The following KIRREL3 variants were observed in gnomAD, a reference collection of about 807,000 sequenced individuals.
KIRREL3 encodes the protein kin of IRRE-like protein 3.
A neutral mutation model predicts 89.7 loss-of-function variants in KIRREL3; 36 were observed. The observed-to-expected ratio is 0.40, with a 90% CI of 0.31 to 0.53. The LOEUF (loss-of-function observed/expected upper bound fraction) is 0.53. KIRREL3 is among the 20% of genes least tolerant of loss of function. The pLI, the probability that KIRREL3 is intolerant of heterozygous loss-of-function variation, is 0.49. For synonymous variants in KIRREL3, 445 were observed against 441.4 expected (o/e 1.01, Z -0.10); for missense variants, 864 against 1,056.6 (o/e 0.82, Z 2.53).
rs960410276 is a variant in KIRREL3, at chr11:126,571,647, C to T, written c.56-8735G>A. Among the ~76,000 whole-genome samples the T allele has an allele frequency of 6.6e-6, 1 of 152,166 alleles. No individual in the cohort carries two copies. The highest frequency in any genetic ancestry group is 1.5e-5 in the Non-Finnish European group (1 of 68,040). On this transcript the variant is annotated intron_variant, in intron 1 of 16. Transcript: ENST00000525144. This position sits in a 1 kb window ranked among gnomAD's most constrained non-coding sequence, Gnocchi z 7.7. ...ATTTGACAGAAGGGAAACCGAGGAT[C>T]CAAAAGGTTACAAAACTTCCCCAAG...
rs1467966197 is a variant in KIRREL3, at chr11:126,435,226, T to C, written c.1588+42A>G. ...CCTCCCCAGCTAGCCAGGAAGTCCC[T>C]TCCCCCCTTCCCAGGGCCATTCTCA... On this transcript the variant is annotated intron_variant, in intron 13 of 16. Coordinates refer to ENST00000525144, the MANE Select transcript of KIRREL3 (RefSeq NM_032531.4). 5.0e-6 allele frequency: 8 copies of C among 1,609,350 alleles called. No homozygotes were observed. The Admixed American group carries it at 1.2e-4, about 23-fold the overall frequency.
rs1482536587 is a variant in KIRREL3, at chr11:126,744,875, CT to C, written c.56-181964del. Among the ~76,000 whole-genome samples, 4 of 41,680 alleles carry C rather than the reference CT, an allele frequency of 9.6e-5. No homozygotes were observed. Among genetic ancestry groups the C allele is most frequent in the East Asian group, 5.1e-3 (2 of 390 alleles). The allele number at this position is 41,680 out of a possible 152,430, so 27.3% of individuals were successfully genotyped here. A position where few individuals can be genotyped will look rare whatever the true frequency, so the allele number is the denominator to read the frequency against. On this transcript the variant is annotated intron_variant, in intron 1 of 16. Transcript: ENST00000525144. This position sits in a 1 kb window ranked among gnomAD's most constrained non-coding sequence, Gnocchi z 4.7. ...AATTGTGTCTGCCACATAGTAAGTG[CT>C]AAAAAAAAAAAAAAAGGTGGGAAAA... is the stretch of plus-strand genomic sequence containing the variant.
Position 126,694,522 on chromosome 11 carries a change from G to A in KIRREL3, c.56-131610C>T, listed in dbSNP as rs977340127. ...GCTCAGGCCTCCATCAGCTCCAGGC[G>A]GGTGTGGGGAATGCTGTTCTAGGGC... On this transcript the variant is annotated intron_variant, in intron 1 of 16. Transcript: ENST00000525144. The surrounding 1 kb of genome is among the most constrained non-coding windows in gnomAD (Gnocchi z 4.4). 1.3e-5 allele frequency among the ~76,000 whole-genome samples: 2 copies of A among 152,134 alleles called. No homozygotes were observed. The highest frequency in any genetic ancestry group is 4.8e-5 in the African/African-American group (2 of 41,406).
In KIRREL3 at chr11:126,906,695, G is replaced by T. The variant is rs143346819; in HGVS notation, c.55+93760C>A. Among the ~76,000 whole-genome samples, 16 of 152,248 alleles carry T rather than the reference G, an allele frequency of 1.1e-4. No individual in the cohort carries two copies. The highest frequency in any genetic ancestry group is 3.1e-4 in the African/African-American group (13 of 41,538). On this transcript the variant is annotated intron_variant, in intron 1 of 16. Transcript: ENST00000525144. This position sits in a 1 kb window ranked among gnomAD's most constrained non-coding sequence, Gnocchi z 4.1. ...GCATTAAACCCAGAAGATGTGAACTGCACGCATTATAAGGCAAATTAGATC... is the reference window on the plus strand; with the variant it reads ...GCATTAAACCCAGAAGATGTGAACTTCACGCATTATAAGGCAAATTAGATC...
At chr11:126,749,234 C>T (rs992981407) in intron 1 of KIRREL3, among the ~76,000 whole-genome samples, 1 of 152,154 alleles carries the variant, frequency 6.6e-6, no homozygotes, top group Non-Finnish European at 1.5e-5. Flanking sequence ...ATTTATAGAC[C>T]GTGATTGTGT....
At position 126,952,190 on chromosome 11, in the gene KIRREL3, A is replaced by G. The variant is rs376608174; in HGVS notation, c.55+48265T>C. ...CACCTGAGGTCAGGAGTTCGAGAGC[A>G]GCCTGGCCTACACAGTGAGACCCTG... On this transcript the variant is annotated intron_variant, in intron 1 of 16. Coordinates refer to ENST00000525144, the MANE Select transcript of KIRREL3 (RefSeq NM_032531.4). Among the ~76,000 whole-genome samples, 4 of 152,182 alleles carry G rather than the reference A, an allele frequency of 2.6e-5. No homozygotes were observed. In the South Asian group the frequency reaches 6.2e-4, roughly 24 times the overall value.
At chr11:126,882,008 G>GGT (rs138023760) in intron 1 of KIRREL3, among the ~76,000 whole-genome samples, 488 of 152,176 alleles carry the variant, frequency 3.2e-3, no homozygotes, top group African/African-American at 0.011. Context: ...CGTATATATG[G>GGT]GTGTGTGTGT....
chr11:126,913,398 G>C (rs912060685), intron 1 of KIRREL3, among the ~76,000 whole-genome samples: 3 of 152,208 alleles, frequency 2.0e-5, no homozygotes, highest in Non-Finnish European at 2.9e-5. Context: ...GAAATGCAAG[G>C]GAGGATTGCT....
At position 126,761,837 on chromosome 11, in the gene KIRREL3, C is replaced by T. The variant is rs182141535; in HGVS notation, c.56-198925G>A. Among the ~76,000 whole-genome samples the T allele has an allele frequency of 4.3e-3, 656 of 152,214 alleles. 5 individuals carry two copies. Among genetic ancestry groups the T allele is most frequent in the African/African-American group, 0.015 (635 of 41,540 alleles). ...GAAGTCTCCCTAGGAAGCTGCTCCC[C>T]GCTTTCAATCTCATTTTCTGATATC... On this transcript the variant is annotated intron_variant, in intron 1 of 16. Transcript: ENST00000525144. This position sits in a 1 kb window ranked among gnomAD's most constrained non-coding sequence, Gnocchi z 4.4.
Position 126,906,484 on chromosome 11 carries a change from A to G in KIRREL3, c.55+93971T>C, listed in dbSNP as rs1241264796. Among the ~76,000 whole-genome samples, 1 of 152,150 alleles carries G rather than the reference A, an allele frequency of 6.6e-6. No homozygotes were observed. The highest frequency in any genetic ancestry group is 1.5e-5 in the Non-Finnish European group (1 of 68,020). ...CCCCTACCAGATGGCAAGAACCTTG[A>G]ACCTTATTTGATTGCTGCCTCTGCC... On this transcript the variant is annotated intron_variant, in intron 1 of 16. Coordinates refer to ENST00000525144, the MANE Select transcript of KIRREL3 (RefSeq NM_032531.4). This position sits in a 1 kb window ranked among gnomAD's most constrained non-coding sequence, Gnocchi z 4.1.
intron 1 of KIRREL3, among the ~76,000 whole-genome samples, chr11:126,865,608 A>G (rs186099924): frequency 1.3e-5 from 2 of 152,236 alleles, no homozygotes; most frequent in African/African-American, 4.8e-5. Context: ...TGATGCTCAC[A>G]AGGAAGAGTT....
rs545289696 is a variant in KIRREL3, at chr11:126,446,432, A to G, written c.1125+327T>C. ...GTGATCCTTCCACCTCAGCCTCCTGAGTAGCTGGGACTACAGGTGTGTGCC... is the reference window on the plus strand; with the variant it reads ...GTGATCCTTCCACCTCAGCCTCCTGGGTAGCTGGGACTACAGGTGTGTGCC... On this transcript the variant is annotated intron_variant, in intron 9 of 16. Transcript: ENST00000525144. 6.0e-5 allele frequency among the ~76,000 whole-genome samples: 9 copies of G among 150,360 alleles called. No individual in the cohort carries two copies. In the East Asian group the frequency reaches 1.6e-3, roughly 26 times the overall value.
chr11:126,591,443 C>T (rs927461916), intron 1 of KIRREL3, among the ~76,000 whole-genome samples: 3 of 152,172 alleles, frequency 2.0e-5, no homozygotes, highest in African/African-American at 7.2e-5. Flanking sequence ...TTATAACAGC[C>T]AGGGCATTAC....
In KIRREL3 at chr11:126,844,515, G is replaced by A. The variant is rs758140185; in HGVS notation, c.55+155940C>T. Among the ~76,000 whole-genome samples the A allele has an allele frequency of 2.0e-5, 3 of 152,150 alleles. No individual in the cohort carries two copies. Among genetic ancestry groups the A allele is most frequent in the Non-Finnish European group, 4.4e-5 (3 of 68,040 alleles). ...CAGATAAAGGATGGGATTGGGTTAG[G>A]GGCCCAACTTAGGGCAGTTGGAGTC... On this transcript the variant is annotated intron_variant, in intron 1 of 16. Transcript: ENST00000525144. This position sits in a 1 kb window ranked among gnomAD's most constrained non-coding sequence, Gnocchi z 4.8.
rs769892353 is a variant in KIRREL3, at chr11:126,898,112, G to A, written c.55+102343C>T. On this transcript the variant is annotated intron_variant, in intron 1 of 16. Transcript: ENST00000525144. This position sits in a 1 kb window ranked among gnomAD's most constrained non-coding sequence, Gnocchi z 4.9. Reference sequence around the variant, plus strand: ...CATTTTATTTCAGGCATTCCCAGGTGGTGTTTGCCCTGGTTCCAGTCTCTG... The same window carrying A: ...CATTTTATTTCAGGCATTCCCAGGTAGTGTTTGCCCTGGTTCCAGTCTCTG... Among the ~76,000 whole-genome samples, 1 of 152,126 alleles carries A rather than the reference G, an allele frequency of 6.6e-6. No homozygotes were observed. The highest frequency in any genetic ancestry group is 1.5e-5 in the Non-Finnish European group (1 of 68,018).
rs1943826780 is a variant in KIRREL3, at chr11:126,837,667, GCTAA to G, written c.55+162784_55+162787del. 6.6e-6 allele frequency among the ~76,000 whole-genome samples: 1 copy of G among 152,170 alleles called. No individual in the cohort carries two copies. The highest frequency in any genetic ancestry group is 2.4e-5 in the African/African-American group (1 of 41,434). ...CTCCTCTGAACTGAAGCATAGGTAG[GCTAA>G]CTAAAAGTAATTTTACAAAAGATGT... On this transcript the variant is annotated intron_variant, in intron 1 of 16. Transcript: ENST00000525144. This position sits in a 1 kb window ranked among gnomAD's most constrained non-coding sequence, Gnocchi z 4.7.
In KIRREL3 at chr11:126,857,536, C is replaced by T. The variant is rs542407964; in HGVS notation, c.55+142919G>A. Among the ~76,000 whole-genome samples the T allele has an allele frequency of 1.1e-4, 16 of 152,204 alleles. No individual in the cohort carries two copies. In the South Asian group the frequency reaches 3.1e-3, roughly 30 times the overall value. ...ATCATCCCTGTCTCTATTCTGCTTC[C>T]CTTTCTTCTTCCTGTTTCTCTTGGG... On this transcript the variant is annotated intron_variant, in intron 1 of 16. Coordinates refer to ENST00000525144, the MANE Select transcript of KIRREL3 (RefSeq NM_032531.4).
At chr11:126,634,426 G>GC (rs1274394883) in intron 1 of KIRREL3, among the ~76,000 whole-genome samples, 2 of 152,158 alleles carry the variant, frequency 1.3e-5, no homozygotes, top group African/African-American at 2.4e-5. Flanking sequence ...ATAGTTTTCA[G>GC]CCCCCCAGGC....
rs1945891380 is a variant in KIRREL3 at position 126,890,849 on chromosome 11, T to C, written c.55+109606A>G. 6.6e-6 allele frequency among the ~76,000 whole-genome samples: 1 copy of C among 152,232 alleles called. No individual in the cohort carries two copies. Among genetic ancestry groups the C allele is most frequent in the Non-Finnish European group, 1.5e-5 (1 of 68,048 alleles). On this transcript the variant is annotated intron_variant, in intron 1 of 16. Transcript: ENST00000525144. The surrounding 1 kb of genome is among the most constrained non-coding windows in gnomAD (Gnocchi z 5.1). Reference sequence around the variant, plus strand: ...ACCACTGTCCTCAGCATTGTTTCAATAGGAGTCACATGATTTTCCAAAACA... The same window carrying C: ...ACCACTGTCCTCAGCATTGTTTCAACAGGAGTCACATGATTTTCCAAAACA...
Sources: allele counts gnomAD v4.1 joint callset (sites outside exome capture counted in the v4.1 genomes callset), GRCh38; gene constraint gnomAD v4.1.1; non-coding constraint Gnocchi (gnomAD v3.1); transcripts MANE v1.5; gene names NCBI Gene and HGNC (gene_info 2026-07-23, HGNC 2026-07-21).